The following MAFF variants were observed in gnomAD, a reference collection of about 807,000 sequenced individuals.
The protein encoded by MAFF is transcription factor MafF.
A neutral mutation model predicts 2.7 loss-of-function variants in MAFF; 4 were observed. That is an observed-to-expected ratio of 1.48 (90% CI 0.73 to 3.39). The LOEUF (loss-of-function observed/expected upper bound fraction) is 3.39. Ranked by LOEUF, MAFF falls within the 30% of genes most tolerant of loss-of-function variation. The probability of loss-of-function intolerance (pLI) is 0.01; values close to 1 mark genes in which losing one functional copy is unlikely to be tolerated. For synonymous variants in MAFF, 113 were observed against 119.4 expected (o/e 0.95, Z 0.35); for missense variants, 190 against 246.6 (o/e 0.77, Z 1.54).
intron 1 of MAFF, among the ~76,000 whole-genome samples, chr22:38,207,423 C>CTTTTTTTT (rs71195092): frequency 3.8e-5 from 3 of 78,350 alleles, no homozygotes; most frequent in Non-Finnish European, 7.0e-5. Context: ...GCTTGGCCAT[C>CTTTTTTTT]TTTTTTTTTT....
At chr22:38,211,528 G>C (rs1217691828) in intron 1 of MAFF, among the ~76,000 whole-genome samples, 1 of 28,230 alleles carries the variant, frequency 3.5e-5, no homozygotes, top group African/African-American at 2.1e-4. Context: ...CCCGGCCACT[G>C]GGGATCACTT....
At chr22:38,205,228 G>A (rs944389431) in intron 1 of MAFF, 1 of 152,262 alleles carries the variant, frequency 6.6e-6, no homozygotes, top group Non-Finnish European at 1.5e-5. Context: ...GGCATAGTGG[G>A]AAAACTGAGG....
intron 1 of MAFF, chr22:38,205,497 G>C (rs1377966624): frequency 1.3e-5 from 2 of 152,398 alleles, no homozygotes; most frequent in Non-Finnish European, 2.9e-5. Context: ...CCTTCTACAG[G>C]ATGTCTCTGG....
chr22:38,207,596 C>T (rs1025310992), intron 1 of MAFF, among the ~76,000 whole-genome samples: 1 of 150,568 alleles, frequency 6.6e-6, no homozygotes, highest in African/African-American at 2.4e-5. Flanking sequence ...CCCACCACCA[C>T]ACCCGGCTAA....
Position 38,202,484 on chromosome 22 carries a change from C to G in MAFF, c.-32+272C>G, listed in dbSNP as rs1001656220. 1 of 151,152 alleles carries G rather than the reference C, an allele frequency of 6.6e-6. No homozygotes were observed. The highest frequency in any genetic ancestry group is 1.5e-5 in the Non-Finnish European group (1 of 67,790). 9.4% of individuals were successfully genotyped at this position (151,152 alleles called of 1,614,324 possible). On this transcript the variant is annotated intron_variant, in intron 1 of 2. Coordinates refer to ENST00000338483, the MANE Select transcript of MAFF (RefSeq NM_012323.4). The surrounding 1 kb of genome is among the most constrained non-coding windows in gnomAD (Gnocchi z 7.4). ...CGGCGGCGCCGGGAGGAAGGGGCAG[C>G]GCAGGCCGGCGATCTCCGCGTCCGC... is the stretch of plus-strand genomic sequence containing the variant.
chr22:38,212,913 G>T (rs2091111864), intron 1 of MAFF, among the ~76,000 whole-genome samples: 1 of 152,158 alleles, frequency 6.6e-6, no homozygotes, highest in African/African-American at 2.4e-5. Context: ...CACCTGTCCA[G>T]CACTTTGGGA....
rs1438147855 is a variant in MAFF, at chr22:38,214,106, C to T, written c.36+217C>T. ...CATGTCCCTGGGGTAGGTCACTTCC[C>T]TCTCCAGGCCTCCTTCCCCATCGGG... is the stretch of plus-strand genomic sequence containing the variant. On this transcript the variant is annotated intron_variant, in intron 2 of 2. Coordinates refer to ENST00000338483, the MANE Select transcript of MAFF (RefSeq NM_012323.4). The surrounding 1 kb of genome is among the most constrained non-coding windows in gnomAD (Gnocchi z 6.3). Among the ~76,000 whole-genome samples, 1 of 152,250 alleles carries T rather than the reference C, an allele frequency of 6.6e-6. No homozygotes were observed. Among genetic ancestry groups the T allele is most frequent in the Non-Finnish European group, 1.5e-5 (1 of 68,046 alleles).
At chr22:38,210,982 C>A (rs8139952) in intron 1 of MAFF, among the ~76,000 whole-genome samples, 65,182 of 151,664 alleles carry the variant, frequency 0.43, 15,789 homozygotes, top group Non-Finnish European at 0.54. Flanking sequence ...ACCACTTGAG[C>A]CTGGGAGTTT....
In MAFF at chr22:38,213,747, A is replaced by G. The variant is rs373820029; in HGVS notation, c.-31-76A>G. ...AAGATAGCAGAGGCCTTGAATGGCAAGGTAGTGAGTTTGGATTTTATTCTA... is the reference window on the plus strand; with the variant it reads ...AAGATAGCAGAGGCCTTGAATGGCAGGGTAGTGAGTTTGGATTTTATTCTA... On this transcript the variant is annotated intron_variant, in intron 1 of 2. Transcript: ENST00000338483. The G allele has an allele frequency of 3.9e-5, 41 of 1,058,500 alleles. No individual in the cohort carries two copies. In the South Asian group the frequency reaches 4.3e-4, roughly 11 times the overall value. 65.6% of individuals were successfully genotyped at this position (1,058,500 alleles called of 1,614,324 possible).
chr22:38,213,680 A>G, intron 1 of MAFF, 143 bp from the exon 2 acceptor site: 1 of 713,796 alleles, frequency 1.4e-6, no homozygotes. Context: ...AGGCCTGTGG[A>G]CCAATGTGGA....
rs1569000833 is a variant in MAFF at position 38,214,956 on chromosome 22, GC to G, written c.*81del. ...CAAAGTGCCTGAGCGCCGCCTCTGT[GC>G]CCAGGTCCCATTTCTCTGCAGCACT... is the stretch of plus-strand genomic sequence containing the variant. On this transcript the variant is annotated 3_prime_UTR_variant, in exon 3 of 3. Coordinates refer to ENST00000338483, the MANE Select transcript of MAFF (RefSeq NM_012323.4). This position sits in a 1 kb window ranked among gnomAD's most constrained non-coding sequence, Gnocchi z 6.3. The G allele has an allele frequency of 9.2e-7, 1 of 1,085,714 alleles. No homozygotes were observed. Among genetic ancestry groups the G allele is most frequent in the East Asian group, 3.0e-5 (1 of 33,740 alleles). 67.3% of individuals were successfully genotyped at this position (1,085,714 alleles called of 1,614,324 possible).
intron 1 of MAFF, among the ~76,000 whole-genome samples, chr22:38,209,040 A>G (rs2091075827): frequency 6.8e-6 from 1 of 147,554 alleles, no homozygotes. Context: ...GGAACCATGG[A>G]AGGTTTTTTT....
intron 1 of MAFF, among the ~76,000 whole-genome samples, chr22:38,208,737 T>G (rs1201395563): frequency 6.6e-6 from 1 of 152,058 alleles, no homozygotes; most frequent in Non-Finnish European, 1.5e-5. Flanking sequence ...TGGGGGTCCC[T>G]AACAAGTCCT....
rs9610915 is a variant in MAFF at position 38,215,073 on chromosome 22, C to G, written c.*195C>G. The G allele has an allele frequency of 0.45, 242,883 of 534,336 alleles. 58,280 individuals carry two copies. Among genetic ancestry groups the G allele is most frequent in the East Asian group, 0.54 (14,606 of 27,012 alleles). The allele number at this position is 534,336 out of a possible 1,614,324, so 33.1% of individuals were successfully genotyped here. A position where few individuals can be genotyped will look rare whatever the true frequency, so the allele number is the denominator to read the frequency against. ...GACCGAATGACCCTGGGAAGGGGAA[C>G]TTGGGTAGGTTGGGGATGGGGCAGA... On this transcript the variant is annotated 3_prime_UTR_variant, in exon 3 of 3. Coordinates refer to ENST00000338483, the MANE Select transcript of MAFF (RefSeq NM_012323.4).
chr22:38,208,851 TATC>T (rs2091073882), intron 1 of MAFF, among the ~76,000 whole-genome samples: 1 of 150,592 alleles, frequency 6.6e-6, no homozygotes. Flanking sequence ...GGGAGAGAAA[TATC>T]ATGGGGTGGG....
Position 38,214,642 on chromosome 22 carries a change from G to C in MAFF, c.259G>C (p.Glu87Gln). 6.4e-7 allele frequency: 1 copy of C among 1,561,772 alleles called. No individual in the cohort carries two copies. Among genetic ancestry groups the C allele is most frequent in the Non-Finnish European group, 8.7e-7 (1 of 1,153,878 alleles). The change falls in exon 3 of 3, where the codon GAG becomes CAG. Residue 87 changes from glutamate to glutamine, a missense_variant. This residue lies in a region of MAFF where 87 missense variants were observed against 143.6 expected (regional missense o/e 0.61). Transcript: ENST00000338483. The surrounding 1 kb of genome is among the most constrained non-coding windows in gnomAD (Gnocchi z 6.3). ...EELQKQKSEL[E>Q]REVDKLAREN... ...GCTGCAGAAGCAGAAGTCGGAGCTGGAGCGCGAGGTGGACAAGCTGGCGCG... is the reference window on the plus strand; with the variant it reads ...GCTGCAGAAGCAGAAGTCGGAGCTGCAGCGCGAGGTGGACAAGCTGGCGCG...
chr22:38,208,206 T>C (rs540539304), intron 1 of MAFF, among the ~76,000 whole-genome samples: 18 of 152,306 alleles, frequency 1.2e-4, no homozygotes, highest in African/African-American at 4.1e-4. Flanking sequence ...ACCTCTACAG[T>C]GTATACCACT....
chr22:38,214,411 T>C lies in MAFF; in HGVS notation c.37-9T>C. 6.3e-7 allele frequency: 1 copy of C among 1,578,606 alleles called. No individual in the cohort carries two copies. Among genetic ancestry groups the C allele is most frequent in the South Asian group, 1.1e-5 (1 of 88,698 alleles). On this transcript the variant is annotated splice_polypyrimidine_tract_variant and intron_variant, in intron 2 of 2. Transcript: ENST00000338483. This position sits in a 1 kb window ranked among gnomAD's most constrained non-coding sequence, Gnocchi z 6.3. ...AGTCCCCTGGACCTCAGTTTCCTCA[T>C]GCCCGCAGATCAAGCGAGAGCTGAG...
chr22:38,208,237 G>A (rs943237407), intron 1 of MAFF, among the ~76,000 whole-genome samples: 3 of 152,316 alleles, frequency 2.0e-5, no homozygotes, highest in South Asian at 4.1e-4. Flanking sequence ...AAAACCCTGC[G>A]AGGCAGGTAT....
Sources: allele counts gnomAD v4.1 joint callset (sites outside exome capture counted in the v4.1 genomes callset), GRCh38; gene constraint gnomAD v4.1.1; regional missense constraint gnomAD v4.1.1; non-coding constraint Gnocchi (gnomAD v3.1); transcripts MANE v1.5; gene names NCBI Gene and HGNC (gene_info 2026-07-23, HGNC 2026-07-21).